Variants in AKNAD1 observed in about 807,000 individuals in gnomAD.
AKNAD1 encodes AKNA domain containing 1, also known as protein AKNAD1.
A neutral mutation model predicts 90.8 loss-of-function variants in AKNAD1; 67 were observed. The observed-to-expected ratio is 0.74, with a 90% CI of 0.61 to 0.90. AKNAD1 has a LOEUF of 0.90. Ranked by LOEUF, AKNAD1 falls within the 40% of genes least tolerant of loss-of-function variation. The pLI, the probability that AKNAD1 is intolerant of heterozygous loss-of-function variation, is 0.00. For synonymous variants in AKNAD1, 327 were observed against 341.4 expected (o/e 0.96, Z 0.46); for missense variants, 957 against 975.4 (o/e 0.98, Z 0.25).
At chr1:108,849,343 G>C (rs1383548109) in intron 3 of AKNAD1, among the ~76,000 whole-genome samples, 194 bp downstream of exon 3, 1 of 152,002 alleles carries the variant, frequency 6.6e-6, no homozygotes, top group Non-Finnish European at 1.5e-5. Flanking sequence ...TCTAGGTGTG[G>C]TGGCATGCAC....
intron 10 of AKNAD1, among the ~76,000 whole-genome samples, chr1:108,830,206 G>C (rs915041315): frequency 2.0e-5 from 3 of 152,134 alleles, no homozygotes; most frequent in Admixed American, 2.0e-4. Flanking sequence ...ACCCTCCGTG[G>C]GCTGTAACCA....
At position 108,837,600 on chromosome 1, in the gene AKNAD1, G is replaced by T. The variant is rs765740896; in HGVS notation, c.1486C>A (p.Pro496Thr). The change falls in exon 7 of 16, where the codon CCA becomes ACA. Residue 496 changes from proline (P) to threonine (T), a missense_variant. Physicochemically the swap from Pro to Thr is conservative, Grantham distance 38. Transcript: ENST00000370001. The part of the protein sequence containing the change: ...TSAPSLPVSS[P>T]VTLDDLASTF... The stretch of plus-strand genomic sequence containing the variant: ...GAGGCCAAGTCATCCAGGGTAACTG[G>T]AGAACTCACAGGAAGGGAAGGAGCT... 2.5e-6 allele frequency: 4 copies of T among 1,614,032 alleles called. No homozygotes were observed. The African/African-American group carries it at 5.3e-5, about 22-fold the overall frequency.
Position 108,848,751 on chromosome 1 carries a change from CCA to C in AKNAD1, c.1244_1245del (p.Leu415ArgfsTer10), listed in dbSNP as rs761855326. On this transcript the variant is annotated frameshift_variant and splice_region_variant, in exon 5 of 16. Coordinates refer to ENST00000370001, the MANE Select transcript of AKNAD1 (RefSeq NM_152763.5). LOFTEE classifies it high-confidence loss of function. The stretch of plus-strand genomic sequence containing the variant: ...TTTAAAAACGGGATAAAATTCATTA[CCA>C]GCTTCTTGTCTTGCAAATGGTAAGG... ...DSPYHLQDKKLVLEKLQGHLE... is the reference protein window; with the variant it reads ...DSPYHLQDKKXVLEKLQGHLE... 3.7e-6 allele frequency: 6 copies of C among 1,604,830 alleles called. No homozygotes were observed. The highest frequency in any genetic ancestry group is 5.1e-6 in the Non-Finnish European group (6 of 1,177,722).
At chr1:108,839,494 A>G (rs943852431) in intron 6 of AKNAD1, among the ~76,000 whole-genome samples, 1 of 151,716 alleles carries the variant, frequency 6.6e-6, no homozygotes, top group Non-Finnish European at 1.5e-5. Context: ...AAAAGGGAAA[A>G]TTGCCCAACT....
chr1:108,816,500 G>GA (rs1174472782), intron 15 of AKNAD1, among the ~76,000 whole-genome samples, 198 bp from the exon 16 acceptor site: 1 of 152,042 alleles, frequency 6.6e-6, no homozygotes, highest in African/African-American at 2.4e-5. Context: ...GAAAGGGATT[G>GA]AAAAAAAGAC....
At chr1:108,847,131 G>T (rs761396979) in intron 5 of AKNAD1, among the ~76,000 whole-genome samples, 26 of 151,992 alleles carry the variant, frequency 1.7e-4, no homozygotes, top group Non-Finnish European at 2.5e-4. Flanking sequence ...CCCCCATGGT[G>T]CTTCCCATTT....
upstream of AKNAD1, chr1:108,857,195 G>C (rs996092902): frequency 1.3e-5 from 2 of 152,426 alleles, no homozygotes; most frequent in Admixed American, 1.3e-4. Flanking sequence ...TGAGCAAACA[G>C]GGCCAGGACA....
chr1:108,835,136 C>T, intron 7 of AKNAD1, 80 bp from the exon 8 acceptor site: 1 of 1,497,338 alleles, frequency 6.7e-7, no homozygotes, highest in South Asian at 1.3e-5. Flanking sequence ...AGCATCCCTA[C>T]AGCACCCCTA....
At chr1:108,830,444 G>C in intron 10 of AKNAD1, 115 bp downstream of exon 10, 4 of 947,164 alleles carry the variant, frequency 4.2e-6, no homozygotes, top group Non-Finnish European at 6.5e-6. Context: ...CCTGAGATCT[G>C]TGACTCTATA....
chr1:108,822,925 C>G (rs934821304), intron 13 of AKNAD1: 1 of 393,782 alleles, frequency 2.5e-6, no homozygotes, highest in African/African-American at 2.1e-5. Context: ...TCAAAGACAG[C>G]AAATTTTTGC....
chr1:108,826,218 G>T lies in AKNAD1; in HGVS notation c.1936+987C>A, dbSNP rs530251582. The stretch of plus-strand genomic sequence containing the variant: ...CAAGTGTGACATAACAGAAGGCAGA[G>T]CTGGAGGCATGGCTCTGGGCCACAG... On this transcript the variant is annotated intron_variant, in intron 11 of 15. Coordinates refer to ENST00000370001, the MANE Select transcript of AKNAD1 (RefSeq NM_152763.5). Among the ~76,000 whole-genome samples, 9 of 151,912 alleles carry T rather than the reference G, an allele frequency of 5.9e-5. 1 individual carries two copies. Among genetic ancestry groups the T allele is most frequent in the Admixed American group, 4.6e-4 (7 of 15,176 alleles).
intron 1 of AKNAD1, among the ~76,000 whole-genome samples, chr1:108,855,080 T>G (rs1664991073): frequency 6.6e-6 from 1 of 152,084 alleles, no homozygotes; most frequent in South Asian, 2.1e-4. Flanking sequence ...TCCTTATCCG[T>G]GGGGATATTT....
intron 1 of AKNAD1, among the ~76,000 whole-genome samples, 149 bp downstream of exon 1, chr1:108,856,775 GGAAAA>G (rs1294455727): frequency 2.0e-5 from 3 of 147,994 alleles, no homozygotes; most frequent in African/African-American, 4.9e-5. Context: ...AAGAAAGAAA[GGAAAA>G]GAAAAGGAGT....
Position 108,843,210 on chromosome 1 carries a change from T to C in AKNAD1, c.1303A>G (p.Lys435Glu), listed in dbSNP as rs780812893. 1 of 1,614,232 alleles carries C rather than the reference T, an allele frequency of 6.2e-7. No homozygotes were observed. Among genetic ancestry groups the C allele is most frequent in the African/African-American group, 1.3e-5 (1 of 75,058 alleles). The change falls in exon 6 of 16, where the codon AAG becomes GAG. Residue 435 changes from lysine (K) to glutamate (E), a missense_variant. Lys to Glu is a moderately conservative substitution (Grantham distance 56). Coordinates refer to ENST00000370001, the MANE Select transcript of AKNAD1 (RefSeq NM_152763.5). ...TGCTGCAAAGTCAGATGCTTGTCCTTGGTGGCCAGAAAGTTCTGCTCCAGC... is the reference window on the plus strand; with the variant it reads ...TGCTGCAAAGTCAGATGCTTGTCCTCGGTGGCCAGAAAGTTCTGCTCCAGC... The part of the protein sequence containing the change: ...ELLEQNFLAT[K>E]DKHLTLQQQV...
At chr1:108,826,016 G>GCTGGTAAAGGAAGGAC (rs938545940) in intron 11 of AKNAD1, among the ~76,000 whole-genome samples, 1 of 151,728 alleles carries the variant, frequency 6.6e-6, no homozygotes, top group Non-Finnish European at 1.5e-5. Flanking sequence ...CAGCTATATG[G>GCTGGTAAAGGAAGGAC]CTGGTAAAGG....
intron 5 of AKNAD1, among the ~76,000 whole-genome samples, chr1:108,845,212 C>T (rs910893118): frequency 1.3e-5 from 2 of 152,198 alleles, no homozygotes; most frequent in East Asian, 1.9e-4. Context: ...AGATGTTTTA[C>T]ATTTCTCCCC....
chr1:108,839,486 AAG>A lies in AKNAD1; in HGVS notation c.1380-1782_1380-1781del, dbSNP rs1664475161. 2.3e-4 allele frequency among the ~76,000 whole-genome samples: 33 copies of A among 145,476 alleles called. 1 individual carries two copies. The Admixed American group carries it at 2.3e-3, about 10-fold the overall frequency. ...TCCGTCTCAATAAAAAAAAAAAGAA[AAG>A]GGAAAATTGCCCAACTCATTCTGTG... On this transcript the variant is annotated intron_variant, in intron 6 of 15. Coordinates refer to ENST00000370001, the MANE Select transcript of AKNAD1 (RefSeq NM_152763.5).
chr1:108,837,541 C>CT lies in AKNAD1; in HGVS notation c.1536+8dup. Reference sequence around the variant, plus strand: ...TGGCACAAAATTAGACTGTACATTGCTGTATTACCTCATTTGAGAGTGAAG... The same window carrying CT: ...TGGCACAAAATTAGACTGTACATTGCTTGTATTACCTCATTTGAGAGTGAAG... On this transcript the variant is annotated intron_variant, in intron 7 of 15. Transcript: ENST00000370001. 1 of 1,613,632 alleles carries CT rather than the reference C, an allele frequency of 6.2e-7. No individual in the cohort carries two copies. The highest frequency in any genetic ancestry group is 1.1e-5 in the South Asian group (1 of 91,002).
At position 108,823,596 on chromosome 1, in the gene AKNAD1, G is replaced by A. The variant is rs749631562; in HGVS notation, c.2029C>T (p.Arg677Ter). ...QDCGTKIPTS[R>*]RACRKEPTKE... ...GTTGGTTCTTTCCTGCAGGCTCTTC[G>A]GGAGGTAGGAATCTTAGTGCCACAG... is the stretch of plus-strand genomic sequence containing the variant. The change falls in exon 12 of 16, where the codon CGA becomes TGA. Residue 677 changes from arginine (R) to a stop codon, truncating the protein, a stop_gained. Coordinates refer to ENST00000370001, the MANE Select transcript of AKNAD1 (RefSeq NM_152763.5). LOFTEE classifies it high-confidence loss of function. 25 of 1,613,936 alleles carry A rather than the reference G, an allele frequency of 1.5e-5. No individual in the cohort carries two copies. The highest frequency in any genetic ancestry group is 1.2e-4 in the African/African-American group (9 of 74,874).
Sources: allele counts gnomAD v4.1 joint callset (sites outside exome capture counted in the v4.1 genomes callset), GRCh38; gene constraint gnomAD v4.1.1; transcripts MANE v1.5; gene names NCBI Gene and HGNC (gene_info 2026-07-23, HGNC 2026-07-21).